FZR1: variants seen among roughly 807,000 people sequenced by gnomAD.
The protein encoded by FZR1 is fizzy-related protein homolog.
Under a neutral mutation model 63.6 loss-of-function variants are expected in FZR1, and 11 were observed. That is an observed-to-expected ratio of 0.17 (90% CI 0.11 to 0.29). The LOEUF is 0.29. Ranked by LOEUF, FZR1 falls within the 10% of genes least tolerant of loss-of-function variation. FZR1 has a pLI of 1.00. For missense variants in FZR1, 440 were observed against 687.5 expected (o/e 0.64, Z 4.03); for synonymous variants, 328 against 297.9 (o/e 1.10, Z -1.04).
chr19:3,516,557 A>G lies in FZR1; in HGVS notation c.-34-6399A>G, dbSNP rs1473061878. Among the ~76,000 whole-genome samples the G allele has an allele frequency of 1.3e-5, 2 of 152,046 alleles. No individual in the cohort carries two copies. The highest frequency in any genetic ancestry group is 6.6e-5 in the Admixed American group (1 of 15,262). Reference sequence around the variant, plus strand: ...TGGGGGTCCCGGAGCTGAGCTGAGCACCGCTAGCAGCACCGGGCAAGTGTC... The same window carrying G: ...TGGGGGTCCCGGAGCTGAGCTGAGCGCCGCTAGCAGCACCGGGCAAGTGTC... On this transcript the variant is annotated intron_variant, in intron 1 of 13. Transcript: ENST00000441788. This position sits in a 1 kb window ranked among gnomAD's most constrained non-coding sequence, Gnocchi z 6.0.
In FZR1 at chr19:3,532,399, A is replaced by ACAGCCCCTGTCCCC; in HGVS notation, c.1009-13_1009dup. Reference sequence around the variant, plus strand: ...ACAGGGCTGGGACAGCCCCGGCCTCACAGCCCCTGTCCCCCAGCTGCTGGT... The same window carrying ACAGCCCCTGTCCCC: ...ACAGGGCTGGGACAGCCCCGGCCTCACAGCCCCTGTCCCCCAGCCCCTGTCCCCCAGCTGCTGGT... On this transcript the variant is annotated splice_polypyrimidine_tract_variant and intron_variant, in intron 10 of 13. Transcript: ENST00000441788. 1 of 1,572,546 alleles carries ACAGCCCCTGTCCCC rather than the reference A, an allele frequency of 6.4e-7. No homozygotes were observed. The highest frequency in any genetic ancestry group is 8.7e-7 in the Non-Finnish European group (1 of 1,155,182).
rs189654901 is a variant in FZR1 at position 3,515,430 on chromosome 19, G to A, written c.-34-7526G>A. Among the ~76,000 whole-genome samples, 7 of 150,744 alleles carry A rather than the reference G, an allele frequency of 4.6e-5. No homozygotes were observed. The highest frequency in any genetic ancestry group is 2.0e-4 in the Admixed American group (3 of 15,270). On this transcript the variant is annotated intron_variant, in intron 1 of 13. Transcript: ENST00000441788. The surrounding 1 kb of genome is among the most constrained non-coding windows in gnomAD (Gnocchi z 4.6). ...GAGCCTGCCTGGCCCATCTCTGACC[G>A]TGGTTTGTTTTTTTGAATACCTCAC... is the stretch of plus-strand genomic sequence containing the variant.
chr19:3,527,848 G>C, intron 7 of FZR1, 34 bp downstream of exon 7: 1 of 1,538,072 alleles, frequency 6.5e-7, no homozygotes, highest in Non-Finnish European at 8.9e-7. Context: ...TGTGCATGGG[G>C]GCCTCCCCAG....
At position 3,516,894 on chromosome 19, in the gene FZR1, C is replaced by T. The variant is rs2083062478; in HGVS notation, c.-34-6062C>T. 2.0e-5 allele frequency among the ~76,000 whole-genome samples: 3 copies of T among 152,228 alleles called. No homozygotes were observed. Among genetic ancestry groups the T allele is most frequent in the Non-Finnish European group, 4.4e-5 (3 of 68,030 alleles). On this transcript the variant is annotated intron_variant, in intron 1 of 13. Coordinates refer to ENST00000441788, the MANE Select transcript of FZR1 (RefSeq NM_016263.4). This position sits in a 1 kb window ranked among gnomAD's most constrained non-coding sequence, Gnocchi z 6.0. ...GGTGCAGCCATGTGCTGCTGGGCAG[C>T]GATGTGTGCCAGGGGCCGTGTGCAG...
chr19:3,532,607 C>G lies in FZR1; in HGVS notation c.1199C>G (p.Ser400Cys). The G allele has an allele frequency of 6.2e-7, 1 of 1,612,674 alleles. No homozygotes were observed. The highest frequency in any genetic ancestry group is 8.5e-7 in the Non-Finnish European group (1 of 1,179,790). Residue 400 changes from serine (S) to cysteine (C), a missense_variant, in exon 11 of 14, where the codon TCC becomes TGC. By Grantham distance (112) the Ser-to-Cys change is moderately radical (BLOSUM62 -1). Coordinates refer to ENST00000441788, the MANE Select transcript of FZR1 (RefSeq NM_016263.4). ...CCACTGCAGTGTATCGACACGGGCT[C>G]CCAAGTGTGCAATCTGGCCTGGTCC... is the stretch of plus-strand genomic sequence containing the variant. ...GQPLQCIDTG[S>C]QVCNLAWSKH...
At position 3,515,078 on chromosome 19, in the gene FZR1, C is replaced by G. The variant is rs1023593469; in HGVS notation, c.-34-7878C>G. On this transcript the variant is annotated intron_variant, in intron 1 of 13. Coordinates refer to ENST00000441788, the MANE Select transcript of FZR1 (RefSeq NM_016263.4). This position sits in a 1 kb window ranked among gnomAD's most constrained non-coding sequence, Gnocchi z 4.6. ...GGGTCCACCACCCAGACCAGGGCAACCAAGCTGCAGGTGTCGGCCACACAG... is the reference window on the plus strand; with the variant it reads ...GGGTCCACCACCCAGACCAGGGCAAGCAAGCTGCAGGTGTCGGCCACACAG... 4.6e-5 allele frequency among the ~76,000 whole-genome samples: 7 copies of G among 152,180 alleles called. No homozygotes were observed. The highest frequency in any genetic ancestry group is 4.6e-4 in the Admixed American group (7 of 15,286).
intron 2 of FZR1, 57 bp downstream of exon 2, chr19:3,523,115 C>A: frequency 1.9e-6 from 2 of 1,079,306 alleles, no homozygotes; most frequent in Non-Finnish European, 2.9e-6. Context: ...CTGCCTCTGC[C>A]CTGGCCAGCA....
At chr19:3,518,175 C>A (rs955246985) in intron 1 of FZR1, among the ~76,000 whole-genome samples, 2 of 152,180 alleles carry the variant, frequency 1.3e-5, no homozygotes, top group Non-Finnish European at 2.9e-5. Flanking sequence ...CCACCATGCC[C>A]AGCTAATTTT....
Position 3,530,008 on chromosome 19 carries a change from A to G in FZR1, c.655-784A>G, listed in dbSNP as rs867371504. On this transcript the variant is annotated intron_variant, in intron 7 of 13. Transcript: ENST00000441788. ...TGGATGGTTGAGTGGATGGGAGAGCAGATGGGTGAGTGGATGGGAGAGTGG... is the reference window on the plus strand; with the variant it reads ...TGGATGGTTGAGTGGATGGGAGAGCGGATGGGTGAGTGGATGGGAGAGTGG... 6.3e-3 allele frequency among the ~76,000 whole-genome samples: 404 copies of G among 64,254 alleles called. 30 individuals are homozygous for G. The highest frequency in any genetic ancestry group is 8.7e-3 in the Non-Finnish European group (281 of 32,218). 42.2% of individuals were successfully genotyped at this position (64,254 alleles called of 152,430 possible).
intron 8 of FZR1, 114 bp from the exon 9 acceptor site, chr19:3,531,600 G>GGAAACCGTC: frequency 1.4e-6 from 1 of 704,358 alleles, no homozygotes; most frequent in Non-Finnish European, 2.4e-6. Flanking sequence ...GAGTCGTTAG[G>GGAAACCGTC]GAAACCGTCC....
In FZR1 at chr19:3,525,596, C is replaced by G. The variant is rs1293948087; in HGVS notation, c.70-272C>G. ...TAGCTGGGACTACAGGCGCCTGCCA[C>G]CACGCCCGGCTGATTTTTTGTATTT... On this transcript the variant is annotated intron_variant, in intron 2 of 13. Coordinates refer to ENST00000441788, the MANE Select transcript of FZR1 (RefSeq NM_016263.4). This position sits in a 1 kb window ranked among gnomAD's most constrained non-coding sequence, Gnocchi z 4.2. 6.6e-6 allele frequency among the ~76,000 whole-genome samples: 1 copy of G among 152,004 alleles called. No individual in the cohort carries two copies. Among genetic ancestry groups the G allele is most frequent in the Non-Finnish European group, 1.5e-5 (1 of 67,966 alleles).
At chr19:3,509,610 A>G (rs1161713549) in intron 1 of FZR1, among the ~76,000 whole-genome samples, 1 of 152,098 alleles carries the variant, frequency 6.6e-6, no homozygotes, top group Non-Finnish European at 1.5e-5. Context: ...TCAGGAAGAA[A>G]CCAGCCTTGA....
In FZR1 at chr19:3,536,897, C is replaced by T. The variant is rs1189050980; in HGVS notation, c.*2061C>T. 2 of 152,268 alleles carry T rather than the reference C, an allele frequency of 1.3e-5. No individual in the cohort carries two copies. The highest frequency in any genetic ancestry group is 2.9e-5 in the Non-Finnish European group (2 of 68,074). The allele number at this position is 152,268 out of a possible 1,614,324, so 9.4% of individuals were successfully genotyped here. On this transcript the variant is annotated 3_prime_UTR_variant, in exon 14 of 14. Coordinates refer to ENST00000441788, the MANE Select transcript of FZR1 (RefSeq NM_016263.4). ...GCATTTCACAGATGGGGAGCTCAGC[C>T]CTCGAAGGCCGCAGAGACGCCTCCC...
chr19:3,529,812 T>TTGAGTGGATGGG (rs1568238197), intron 7 of FZR1, among the ~76,000 whole-genome samples: 2 of 55,110 alleles, frequency 3.6e-5, no homozygotes, highest in Admixed American at 3.8e-4. Context: ...GAGTGGATGG[T>TTGAGTGGATGGG]TGAGTGGATG....
Position 3,514,454 on chromosome 19 carries a change from C to T in FZR1, c.-35+7980C>T, listed in dbSNP as rs2083044567. Among the ~76,000 whole-genome samples, 1 of 152,204 alleles carries T rather than the reference C, an allele frequency of 6.6e-6. No homozygotes were observed. Among genetic ancestry groups the T allele is most frequent in the Non-Finnish European group, 1.5e-5 (1 of 68,024 alleles). The stretch of plus-strand genomic sequence containing the variant: ...GAGCAGCGTCCCTGGCCTCCACCCA[C>T]TCCACGCCAGGGGCACCCCCAGTCA... On this transcript the variant is annotated intron_variant, in intron 1 of 13. Coordinates refer to ENST00000441788, the MANE Select transcript of FZR1 (RefSeq NM_016263.4). The surrounding 1 kb of genome is among the most constrained non-coding windows in gnomAD (Gnocchi z 4.2).
chr19:3,531,520 C>T (rs748928546), intron 8 of FZR1, among the ~76,000 whole-genome samples, 194 bp from the exon 9 acceptor site: 4 of 152,206 alleles, frequency 2.6e-5, no homozygotes, highest in South Asian at 2.1e-4. Context: ...GCAGTGTGTG[C>T]GGGGTGTGCC....
chr19:3,534,608 G>GTTCCCCCACTTCCGAGC, intron 13 of FZR1, 95 bp downstream of exon 13: 1 of 951,592 alleles, frequency 1.1e-6, no homozygotes, highest in South Asian at 1.4e-5. Flanking sequence ...CCTCCTCTGG[G>GTTCCCCCACTTCCGAGC]TTCCCCCACT....
In FZR1 at chr19:3,525,951, C is replaced by T. The variant is rs749701906; in HGVS notation, c.153C>T (p.Ser51=). 2.5e-6 allele frequency: 4 copies of T among 1,612,492 alleles called. No homozygotes were observed. The highest frequency in any genetic ancestry group is 3.4e-6 in the Non-Finnish European group (4 of 1,179,876). ...AGCACGGAGACCGCTTCATCCCCTC[C>T]AGAGCCGGAGCCAACTGGAGCGTGA... is the stretch of plus-strand genomic sequence containing the variant. The part of the protein sequence containing the change: ...PSKHGDRFIP[S]RAGANWSVNF... The change falls in exon 3 of 14, where the codon TCC becomes TCT. Residue 51 remains serine (S), a synonymous_variant. Transcript: ENST00000441788. The surrounding 1 kb of genome is among the most constrained non-coding windows in gnomAD (Gnocchi z 4.2).
chr19:3,526,673 C>T lies in FZR1; in HGVS notation c.387+287C>T, dbSNP rs1006336150. Among the ~76,000 whole-genome samples, 2 of 152,196 alleles carry T rather than the reference C, an allele frequency of 1.3e-5. No homozygotes were observed. The highest frequency in any genetic ancestry group is 6.5e-5 in the Admixed American group (1 of 15,286). On this transcript the variant is annotated intron_variant, in intron 5 of 13. Coordinates refer to ENST00000441788, the MANE Select transcript of FZR1 (RefSeq NM_016263.4). The surrounding 1 kb of genome is among the most constrained non-coding windows in gnomAD (Gnocchi z 5.4). ...TACCTGGGGTCCCGAACACCCAAGC[C>T]GGTGGGGGTCCTGCCCGTAGGGGGC...
Sources: gnomAD v4.1 joint callset for allele counts (sites outside exome capture counted in the v4.1 genomes callset) on GRCh38, gnomAD v4.1.1 for gene constraint, Gnocchi (gnomAD v3.1) non-coding constraint, MANE v1.5 for transcripts, NCBI Gene and HGNC (gene_info 2026-07-23, HGNC 2026-07-21) for gene names.